Variants in SYNPR observed in about 807,000 individuals in gnomAD.
SYNPR encodes the protein synaptoporin.
Under a neutral mutation model 32.9 loss-of-function variants are expected in SYNPR, and 23 were observed. That is an observed-to-expected ratio of 0.70 (90% CI 0.50 to 0.99). The LOEUF (loss-of-function observed/expected upper bound fraction) is 0.99. Ranked by LOEUF, SYNPR falls within the 50% of genes least tolerant of loss-of-function variation. SYNPR has a pLI of 0.00. For missense variants in SYNPR, 318 were observed against 349.3 expected (o/e 0.91, Z 0.71); for synonymous variants, 146 against 135.9 (o/e 1.07, Z -0.52).
intron 2 of SYNPR, among the ~76,000 whole-genome samples, chr3:63,479,446 G>GCGCGCGCGCACACACACACACA (rs6147854): frequency 1.7e-4 from 23 of 135,852 alleles, no homozygotes; most frequent in East Asian, 7.9e-4. Flanking sequence ...CCACACACAT[G>GCGCGCGCGCACACACACACACA]CACACACACA....
Position 63,304,899 on chromosome 3 carries a change from T to C in SYNPR, c.84+26157T>C, listed in dbSNP as rs77247722. Among the ~76,000 whole-genome samples, 340 of 152,052 alleles carry C rather than the reference T, an allele frequency of 2.2e-3. 9 individuals carry two copies. In the East Asian group the frequency reaches 0.053, roughly 24 times the overall value. ...CTAAAAGATTTTCTACAAGTTGAGG[T>C]TCAAACAGATCTTGATTTCAGTCCT... is the stretch of plus-strand genomic sequence containing the variant. On this transcript the variant is annotated intron_variant, in intron 2 of 5. Coordinates refer to ENST00000478300, the MANE Select transcript of SYNPR (RefSeq NM_001130003.2).
At chr3:63,378,107 A>T (rs1049950155) in intron 2 of SYNPR, among the ~76,000 whole-genome samples, 1 of 151,908 alleles carries the variant, frequency 6.6e-6, no homozygotes, top group African/African-American at 2.4e-5. Context: ...AATTATAGGT[A>T]TTTAGTATAA....
chr3:63,248,385 AG>A (rs2106887004), intron 1 of SYNPR, among the ~76,000 whole-genome samples: 1 of 152,272 alleles, frequency 6.6e-6, no homozygotes, highest in South Asian at 2.1e-4. Context: ...TGGTGGTTGC[AG>A]GGAACCTAAG....
intron 2 of SYNPR, among the ~76,000 whole-genome samples, chr3:63,282,929 T>C (rs1004932850): frequency 6.6e-6 from 1 of 152,220 alleles, no homozygotes; most frequent in Non-Finnish European, 1.5e-5. Flanking sequence ...TAGTTTTGTA[T>C]GTGAGTGAGT....
chr3:63,275,211 A>ATCATCTGT (rs2086563884), upstream of SYNPR, among the ~76,000 whole-genome samples: 1 of 152,208 alleles, frequency 6.6e-6, no homozygotes. Flanking sequence ...CAGTGTTTAT[A>ATCATCTGT]TCATCTGTCC....
intron 2 of SYNPR, among the ~76,000 whole-genome samples, chr3:63,405,669 G>A (rs184713511): frequency 1.0e-3 from 152 of 152,326 alleles, no homozygotes; most frequent in Admixed American, 2.4e-3. Context: ...AGGCTGCCAT[G>A]TGGACAGTGA....
chr3:63,451,734 A>G (rs1047554338), intron 2 of SYNPR, among the ~76,000 whole-genome samples: 1 of 152,128 alleles, frequency 6.6e-6, no homozygotes, highest in Non-Finnish European at 1.5e-5. Flanking sequence ...CCAAGTACAG[A>G]TGCTCGGAGA....
intron 4 of SYNPR, among the ~76,000 whole-genome samples, chr3:63,586,959 C>A (rs921168165): frequency 6.6e-6 from 1 of 151,852 alleles, no homozygotes; most frequent in East Asian, 1.9e-4. Flanking sequence ...TTCACACATG[C>A]GAAGACTCCA....
intron 2 of SYNPR, chr3:63,452,069 A>AAGGC (rs1559503288): frequency 2.8e-6 from 2 of 702,218 alleles, no homozygotes; most frequent in Non-Finnish European, 5.2e-6. Context: ...CTTCACACTC[A>AAGGC]AAGAAAGGGT....
rs930872326 is a variant in SYNPR at position 63,563,450 on chromosome 3, A to G, written c.408+6709A>G. ...CCAGCTACACCTTTGTTTGAGTATA[A>G]TTAGATACAGAAATCAGATTTTGCA... On this transcript the variant is annotated intron_variant, in intron 4 of 5. Transcript: ENST00000478300. Among the ~76,000 whole-genome samples, 3 of 152,332 alleles carry G rather than the reference A, an allele frequency of 2.0e-5. 1 individual carries two copies. Among genetic ancestry groups the G allele is most frequent in the Admixed American group, 2.0e-4 (3 of 15,302 alleles).
Position 63,616,039 on chromosome 3 carries a change from C to T in SYNPR, c.*558C>T, listed in dbSNP as rs1324669599. The T allele has an allele frequency of 6.6e-6, 1 of 152,122 alleles. No individual in the cohort carries two copies. The highest frequency in any genetic ancestry group is 6.5e-5 in the Admixed American group (1 of 15,282). The allele number at this position is 152,122 out of a possible 1,614,324, so 9.4% of individuals were successfully genotyped here. A position where few individuals can be genotyped will look rare whatever the true frequency, so the allele number is the denominator to read the frequency against. ...AATAAGCATTTTCCCACACAATGAA[C>T]ATTTGAACTGTGTTTATGAAAATTT... On this transcript the variant is annotated 3_prime_UTR_variant, in exon 6 of 6. Transcript: ENST00000478300.
intron 2 of SYNPR, among the ~76,000 whole-genome samples, chr3:63,463,269 C>A (rs1419608923): frequency 6.6e-6 from 1 of 151,852 alleles, no homozygotes; most frequent in Non-Finnish European, 1.5e-5. Flanking sequence ...CAGACTGGCT[C>A]AAAAAATCCA....
At chr3:63,254,261 A>G (rs1016093271) in intron 2 of SYNPR, among the ~76,000 whole-genome samples, 5 of 152,166 alleles carry the variant, frequency 3.3e-5, no homozygotes, top group African/African-American at 4.8e-5. Flanking sequence ...TGGCACATGT[A>G]TACATATGTA....
intron 4 of SYNPR, among the ~76,000 whole-genome samples, chr3:63,589,619 G>T (rs368136244): frequency 6.6e-6 from 1 of 150,812 alleles, no homozygotes; most frequent in Non-Finnish European, 1.5e-5. Context: ...GATCAAGTGG[G>T]CTTCATCCCT....
chr3:63,282,478 C>T (rs902157067), intron 2 of SYNPR, among the ~76,000 whole-genome samples: 15 of 151,548 alleles, frequency 9.9e-5, no homozygotes, highest in Admixed American at 2.0e-4. Context: ...TTTTATTGTC[C>T]GTACTATGAT....
intron 5 of SYNPR, 128 bp from the exon 6 acceptor site, chr3:63,615,096 A>T (rs1487270373): frequency 8.6e-7 from 1 of 1,162,708 alleles, no homozygotes; most frequent in African/African-American, 1.6e-5. Context: ...CCAAATGGAA[A>T]ACTTGGAAGC....
Position 63,556,687 on chromosome 3 carries a change from C to T in SYNPR, c.354C>T (p.Val118=), listed in dbSNP as rs1315895615. 1.2e-6 allele frequency: 2 copies of T among 1,613,764 alleles called. No individual in the cohort carries two copies. The highest frequency in any genetic ancestry group is 1.3e-5 in the African/African-American group (1 of 75,008). Residue 118 remains valine (V), a synonymous_variant, in exon 4 of 6, where the codon GTC becomes GTT. Transcript: ENST00000478300. ...TCCTCTACTCTTTGGCTGCCACTGT[C>T]GTTTACATTTTCTTCCAGAACAAAT... is the stretch of plus-strand genomic sequence containing the variant. ...FAFLYSLAAT[V]VYIFFQNKYR...
At chr3:63,231,443 A>G (rs2086166201) in intron 1 of SYNPR, among the ~76,000 whole-genome samples, 1 of 152,140 alleles carries the variant, frequency 6.6e-6, no homozygotes, top group Admixed American at 6.5e-5. Context: ...TCATCTGTAC[A>G]CCAAAAACCA....
chr3:63,304,224 TA>T (rs1300866646), intron 2 of SYNPR, among the ~76,000 whole-genome samples: 2 of 151,976 alleles, frequency 1.3e-5, no homozygotes, highest in East Asian at 3.9e-4. Flanking sequence ...TGGGTTCTCT[TA>T]TAGGGAAAGC....
Sources: gnomAD v4.1 joint callset for allele counts (sites outside exome capture counted in the v4.1 genomes callset) on GRCh38, gnomAD v4.1.1 for gene constraint, MANE v1.5 for transcripts, NCBI Gene and HGNC (gene_info 2026-07-23, HGNC 2026-07-21) for gene names.